KCTD16: variants seen among roughly 807,000 people sequenced by gnomAD.
The protein encoded by KCTD16 is potassium channel tetramerization domain containing 16.
KCTD16 carries 13 observed loss-of-function variants against 33.2 expected under a neutral mutation model. The observed-to-expected ratio is 0.39, with a 90% CI of 0.25 to 0.62. KCTD16 has a LOEUF of 0.62. Among genes scored for constraint, KCTD16 ranks in the 20% least tolerant of loss-of-function variants. KCTD16 has a pLI of 0.50. For missense variants in KCTD16, 441 were observed against 525.1 expected, an observed-to-expected ratio of 0.84 and a Z score of 1.57; for synonymous variants, 197 against 195.3, an observed-to-expected ratio of 1.01 and a Z score of -0.07.
intron 3 of KCTD16, among the ~76,000 whole-genome samples, chr5:144,209,555 C>A (rs966618190): frequency 2.6e-5 from 4 of 151,906 alleles, no homozygotes; most frequent in African/African-American, 9.7e-5. Context: ...GTCTTAGGAC[C>A]AATAAAACTG....
intron 3 of KCTD16, among the ~76,000 whole-genome samples, chr5:144,350,296 G>A (rs967721269): frequency 3.3e-5 from 5 of 152,104 alleles, no homozygotes; most frequent in African/African-American, 1.2e-4. Context: ...AGGGCAGGGA[G>A]TCCAGAACTG....
At chr5:144,398,436 T>C (rs1752627161) in intron 3 of KCTD16, among the ~76,000 whole-genome samples, 1 of 152,186 alleles carries the variant, frequency 6.6e-6, no homozygotes, top group African/African-American at 2.4e-5. Flanking sequence ...TAAGCCAACA[T>C]GATTATGAGC....
intron 3 of KCTD16, among the ~76,000 whole-genome samples, chr5:144,465,230 C>T (rs189223386): frequency 1.4e-3 from 189 of 137,224 alleles, no homozygotes; most frequent in African/African-American, 5.0e-3. Flanking sequence ...TCTCTCTCGC[C>T]TTTCTGGACA....
chr5:144,174,708 G>A (rs1222544975), intron 2 of KCTD16, among the ~76,000 whole-genome samples: 4 of 152,122 alleles, frequency 2.6e-5, no homozygotes, highest in East Asian at 3.8e-4. Context: ...GGATGCTTTT[G>A]TACAGAACTG....
intron 3 of KCTD16, among the ~76,000 whole-genome samples, chr5:144,227,403 T>C (rs1225013391): frequency 6.6e-6 from 1 of 152,144 alleles, no homozygotes; most frequent in Non-Finnish European, 1.5e-5. Context: ...TAGCTGGAAC[T>C]GGTAAGGGAG....
intron 3 of KCTD16, among the ~76,000 whole-genome samples, chr5:144,237,196 T>C (rs1335759466): frequency 6.6e-6 from 1 of 152,102 alleles, no homozygotes; most frequent in Non-Finnish European, 1.5e-5. Flanking sequence ...ATGCCTCTAT[T>C]TGCTCTTAAC....
intron 3 of KCTD16, among the ~76,000 whole-genome samples, chr5:144,275,456 G>C (rs1278367334): frequency 6.6e-6 from 1 of 152,116 alleles, no homozygotes; most frequent in African/African-American, 2.4e-5. Flanking sequence ...CTGCAATGCT[G>C]CCTTGCCCTA....
chr5:144,204,017 C>T (rs1398493872), intron 2 of KCTD16, among the ~76,000 whole-genome samples: 1 of 152,176 alleles, frequency 6.6e-6, no homozygotes, highest in Non-Finnish European at 1.5e-5. Flanking sequence ...CAGGTTAATG[C>T]ATTAGTTAAC....
In KCTD16 at chr5:144,207,563, G is replaced by A; in HGVS notation, c.832+17G>A. On this transcript the variant is annotated intron_variant, in intron 3 of 3. Transcript: ENST00000512467. ...TCTTCTACCGTAAGTACAAAGGGTTGTTTTAATTTTTTATGTGTGTCAATG... is the reference window on the plus strand; with the variant it reads ...TCTTCTACCGTAAGTACAAAGGGTTATTTTAATTTTTTATGTGTGTCAATG... 2 of 1,578,498 alleles carry A rather than the reference G, an allele frequency of 1.3e-6. No homozygotes were observed. Among genetic ancestry groups the A allele is most frequent in the East Asian group, 2.2e-5 (1 of 44,494 alleles).
chr5:144,189,893 G>A (rs986495337), intron 2 of KCTD16, among the ~76,000 whole-genome samples: 7 of 152,024 alleles, frequency 4.6e-5, no homozygotes, highest in Non-Finnish European at 7.4e-5. Flanking sequence ...AGTTTATGTG[G>A]CCTCTGTGTC....
chr5:144,313,739 T>C (rs1017867404), intron 3 of KCTD16, among the ~76,000 whole-genome samples: 3 of 152,176 alleles, frequency 2.0e-5, no homozygotes, highest in African/African-American at 7.2e-5. Context: ...ATAAAATTTA[T>C]ATACATGGGT....
intron 3 of KCTD16, among the ~76,000 whole-genome samples, chr5:144,380,864 G>A (rs1356515438): frequency 6.6e-6 from 1 of 152,088 alleles, no homozygotes; most frequent in African/African-American, 2.4e-5. Flanking sequence ...AAAAACCCCA[G>A]AAGAAAACTT....
chr5:144,296,779 G>T (rs1756049091), intron 3 of KCTD16, among the ~76,000 whole-genome samples: 1 of 152,024 alleles, frequency 6.6e-6, no homozygotes, highest in African/African-American at 2.4e-5. Flanking sequence ...AGGCTAAAAA[G>T]TAGTTCTCAT....
chr5:144,203,391 G>A (rs1019229384), intron 2 of KCTD16, among the ~76,000 whole-genome samples: 4 of 151,944 alleles, frequency 2.6e-5, no homozygotes, highest in Admixed American at 6.6e-5. Context: ...TAAACTTGCC[G>A]CCTCTCTATT....
At chr5:144,299,078 G>T (rs1037756079) in intron 3 of KCTD16, among the ~76,000 whole-genome samples, 70 of 16,894 alleles carry the variant, frequency 4.1e-3, no homozygotes, top group Middle Eastern at 0.042. Context: ...ATATATTTTT[G>T]TATATATATA....
intron 3 of KCTD16, among the ~76,000 whole-genome samples, chr5:144,396,912 T>TA (rs1752579241): frequency 7.1e-6 from 1 of 141,058 alleles, no homozygotes; most frequent in African/African-American, 2.6e-5. Flanking sequence ...ACTTTATTTA[T>TA]TATATATATA....
In KCTD16 at chr5:144,207,168, C is replaced by T; in HGVS notation, c.454C>T (p.Pro152Ser). 1 of 1,612,602 alleles carries T rather than the reference C, an allele frequency of 6.2e-7. No homozygotes were observed. Among genetic ancestry groups the T allele is most frequent in the Admixed American group, 1.7e-5 (1 of 59,796 alleles). ...CCAAGGAAGCGACACAAGAATCTGC[C>T]CCCCTTCCTCCCTGCTCCCTGCCGA... Reference protein sequence around the residue: ...ASQGSDTRICPPSSLLPADRK... With the variant: ...ASQGSDTRICSPSSLLPADRK... The change falls in exon 3 of 4, where the codon CCC (proline) becomes TCC (serine). Residue 152 changes from proline to serine, a missense_variant. Transcript: ENST00000512467.
intron 3 of KCTD16, among the ~76,000 whole-genome samples, chr5:144,403,600 C>T (rs1361589061): frequency 2.0e-5 from 3 of 152,158 alleles, no homozygotes; most frequent in Non-Finnish European, 4.4e-5. Context: ...CACTGGTTGT[C>T]GATTTCTGGC....
chr5:144,368,155 C>T (rs1213910980), intron 3 of KCTD16, among the ~76,000 whole-genome samples: 1 of 152,082 alleles, frequency 6.6e-6, no homozygotes, highest in Non-Finnish European at 1.5e-5. Context: ...ATATGATAAG[C>T]ATAATTTTGG....
Sources: gnomAD v4.1 joint callset for allele counts (sites outside exome capture counted in the v4.1 genomes callset) on GRCh38, gnomAD v4.1.1 for gene constraint, MANE v1.5 for transcripts, NCBI Gene and HGNC (gene_info 2026-07-23, HGNC 2026-07-21) for gene names.